The following CYP20A1 variants were observed in gnomAD, a reference collection of about 807,000 sequenced individuals.
CYP20A1 encodes the protein cytochrome P450 20A1.
CYP20A1 carries 61 observed loss-of-function variants against 61.4 expected under a neutral mutation model. The observed-to-expected ratio is 0.99, with a 90% confidence interval of 0.81 to 1.23. The LOEUF (loss-of-function observed/expected upper bound fraction) is 1.23, where lower values mean the gene tolerates loss of function less well. Among genes scored for constraint, CYP20A1 ranks in the 50% most tolerant of loss-of-function variants. The pLI is 0.00. For synonymous variants in CYP20A1, 193 were observed against 188.2 expected, an observed-to-expected ratio of 1.03 and a Z score of -0.21; for missense variants, 530 against 542.4, an observed-to-expected ratio of 0.98 and a Z score of 0.23.
intron 9 of CYP20A1, among the ~76,000 whole-genome samples, chr2:203,287,234 A>G (rs1397189462): frequency 1.3e-5 from 2 of 151,144 alleles, no homozygotes; most frequent in African/African-American, 4.8e-5. Context: ...AAAAAAAAAA[A>G]AAAAAGAAAA....
intron 11 of CYP20A1, among the ~76,000 whole-genome samples, chr2:203,293,298 C>T (rs2068624788): frequency 7.2e-6 from 1 of 139,620 alleles, no homozygotes. Context: ...TCACTGCAAG[C>T]TCCGCCTCCC....
At chr2:203,294,590 C>T (rs907636996) in intron 11 of CYP20A1, among the ~76,000 whole-genome samples, 3 of 152,032 alleles carry the variant, frequency 2.0e-5, no homozygotes, top group Admixed American at 2.0e-4. Flanking sequence ...TTTTCATTCG[C>T]TTTAATCCAG....
intron 1 of CYP20A1, among the ~76,000 whole-genome samples, chr2:203,240,528 T>G (rs1276155432): frequency 6.6e-6 from 1 of 152,128 alleles, no homozygotes; most frequent in Non-Finnish European, 1.5e-5. Context: ...GGATTGTGGG[T>G]AGAAATAAAG....
At chr2:203,262,967 T>A (rs1319062877) in intron 4 of CYP20A1, among the ~76,000 whole-genome samples, 1 of 151,472 alleles carries the variant, frequency 6.6e-6, no homozygotes, top group African/African-American at 2.4e-5. Context: ...CGTGAGCCAC[T>A]GTGCCCGGCA....
rs2152120130 is a variant in CYP20A1, at chr2:203,303,071, G to A, written c.*6163G>A. Among the ~76,000 whole-genome samples the A allele has an allele frequency of 6.6e-6, 1 of 151,966 alleles. No homozygotes were observed. Among genetic ancestry groups the A allele is most frequent in the South Asian group, 2.1e-4 (1 of 4,806 alleles). On this transcript the variant is annotated 3_prime_UTR_variant, in exon 13 of 13. Coordinates refer to ENST00000356079, the MANE Select transcript of CYP20A1 (RefSeq NM_177538.3). ...GCTGGAGTGTGGTGGCACGATCTTG[G>A]CTCACTGCAACCCCTGCCTCCCAGG...
chr2:203,246,761 T>C lies in CYP20A1; in HGVS notation c.129T>C (p.Gly43=). The C allele has an allele frequency of 6.2e-7, 1 of 1,609,140 alleles. No homozygotes were observed. Among genetic ancestry groups the C allele is most frequent in the Non-Finnish European group, 8.5e-7 (1 of 1,178,868 alleles). ...PGITPTEEKD[G]NLPDIVNSGS... ...AATGTTGCTCTTTTGCCAGAGATGG[T>C]AATCTTCCAGATATTGTGAATAGTG... Residue 43 remains glycine (G), a synonymous_variant, in exon 3 of 13, where the codon GGT becomes GGC. Transcript: ENST00000356079.
chr2:203,245,560 T>C (rs2105897080), intron 1 of CYP20A1, among the ~76,000 whole-genome samples: 1 of 152,212 alleles, frequency 6.6e-6, no homozygotes, highest in South Asian at 2.1e-4. Context: ...GTTCTCTTCA[T>C]TTAGCCCCCA....
rs185145262 is a variant in CYP20A1, at chr2:203,285,122, G to A, written c.851-490G>A. On this transcript the variant is annotated intron_variant, in intron 8 of 12. Coordinates refer to ENST00000356079, the MANE Select transcript of CYP20A1 (RefSeq NM_177538.3). ...ATAACCACTCACAAATTTTGAGCCA[G>A]TGTATTTACCATCACAAGTAAATAT... Among the ~76,000 whole-genome samples the A allele has an allele frequency of 2.5e-4, 38 of 152,188 alleles. 1 individual carries two copies. The highest frequency in any genetic ancestry group is 2.0e-3 in the Admixed American group (31 of 15,264).
Position 203,299,974 on chromosome 2 carries a change from C to T in CYP20A1, c.*3066C>T, listed in dbSNP as rs2152118368. On this transcript the variant is annotated 3_prime_UTR_variant, in exon 13 of 13. Transcript: ENST00000356079. ...TGTATAGAGCATCTTCCTTTGTTAC[C>T]CAAGTACCTCGAATGGGTTGGAAAC... Among the ~76,000 whole-genome samples the T allele has an allele frequency of 6.6e-6, 1 of 152,230 alleles. No individual in the cohort carries two copies. The highest frequency in any genetic ancestry group is 6.5e-5 in the Admixed American group (1 of 15,276).
chr2:203,262,456 T>C (rs2067171971), intron 4 of CYP20A1, among the ~76,000 whole-genome samples: 1 of 152,182 alleles, frequency 6.6e-6, no homozygotes, highest in Non-Finnish European at 1.5e-5. Context: ...TAAATTTTTT[T>C]ACATGAACCA....
At chr2:203,268,984 T>A (rs139312029) in intron 5 of CYP20A1, among the ~76,000 whole-genome samples, 1 of 152,346 alleles carries the variant, frequency 6.6e-6, no homozygotes, top group Non-Finnish European at 1.5e-5. Flanking sequence ...TGCATACTGA[T>A]TTCACAGGTG....
rs1424282822 is a variant in CYP20A1 at position 203,240,968 on chromosome 2, T to C, written c.72+1834T>C. ...TCATGAATTGACATGGGTCTCCAGG[T>C]AAGGATGGAAGCAAGCCAAGTAATT... is the stretch of plus-strand genomic sequence containing the variant. On this transcript the variant is annotated intron_variant, in intron 1 of 12. Coordinates refer to ENST00000356079, the MANE Select transcript of CYP20A1 (RefSeq NM_177538.3). Among the ~76,000 whole-genome samples the C allele has an allele frequency of 2.0e-5, 3 of 152,188 alleles. No homozygotes were observed. The East Asian group carries it at 5.8e-4, about 29-fold the overall frequency.
chr2:203,298,750 G>C lies in CYP20A1; in HGVS notation c.*1842G>C, dbSNP rs1045153513. On this transcript the variant is annotated 3_prime_UTR_variant, in exon 13 of 13. Transcript: ENST00000356079. ...GAGAGCTATTTCAAGAATATTTTAA[G>C]TAGGCTGGGCACGGTAGCTCATGCC... 1.5e-4 allele frequency among the ~76,000 whole-genome samples: 22 copies of C among 150,062 alleles called. No homozygotes were observed. Among genetic ancestry groups the C allele is most frequent in the African/African-American group, 5.1e-4 (21 of 40,866 alleles).
chr2:203,247,377 T>C (rs1014054543), intron 3 of CYP20A1, among the ~76,000 whole-genome samples: 2 of 152,226 alleles, frequency 1.3e-5, no homozygotes, highest in Admixed American at 1.3e-4. Flanking sequence ...ACTGTGCTGA[T>C]GTCTTATTGC....
At position 203,252,157 on chromosome 2, in the gene CYP20A1, G is replaced by C. The variant is rs372057846; in HGVS notation, c.432+48G>C. 9.0e-5 allele frequency: 127 copies of C among 1,418,948 alleles called. No individual in the cohort carries two copies. In the African/African-American group the frequency reaches 1.6e-3, roughly 18 times the overall value. The allele number at this position is 1,418,948 out of a possible 1,614,324, so 87.9% of individuals were successfully genotyped here. A position where few individuals can be genotyped will look rare whatever the true frequency, so the allele number is the denominator to read the frequency against. The stretch of plus-strand genomic sequence containing the variant: ...CTAGTGTTCTACAACATAAATAATA[G>C]TATTTATTTTTTGAGTATTGGTGTG... On this transcript the variant is annotated intron_variant, in intron 4 of 12. Coordinates refer to ENST00000356079, the MANE Select transcript of CYP20A1 (RefSeq NM_177538.3).
rs184800533 is a variant in CYP20A1, at chr2:203,267,060, G to A, written c.600+379G>A. Among the ~76,000 whole-genome samples, 49 of 151,158 alleles carry A rather than the reference G, an allele frequency of 3.2e-4. 2 individuals carry two copies. In the East Asian group the frequency reaches 8.2e-3, roughly 25 times the overall value. On this transcript the variant is annotated intron_variant, in intron 5 of 12. Coordinates refer to ENST00000356079, the MANE Select transcript of CYP20A1 (RefSeq NM_177538.3). ...CTATTGTCCCAGCTACTGAGGCTGA[G>A]GCAGGAGGGATTGATTACTTGAACC...
At chr2:203,250,196 C>G (rs1268322984) in intron 3 of CYP20A1, among the ~76,000 whole-genome samples, 2 of 152,082 alleles carry the variant, frequency 1.3e-5, no homozygotes, top group Non-Finnish European at 2.9e-5. Flanking sequence ...TTTGAAGCAA[C>G]CTAAATATCA....
chr2:203,282,035 CTTTTT>C (rs113768629), intron 8 of CYP20A1, among the ~76,000 whole-genome samples: 1 of 116,414 alleles, frequency 8.6e-6, no homozygotes, highest in African/African-American at 3.1e-5. Flanking sequence ...TGTATTCAAC[CTTTTT>C]TTTTTTTTTT....
At chr2:203,240,244 G>A (rs2066208463) in intron 1 of CYP20A1, among the ~76,000 whole-genome samples, 1 of 152,206 alleles carries the variant, frequency 6.6e-6, no homozygotes, top group South Asian at 2.1e-4. Flanking sequence ...GATTAGACTA[G>A]AATCTTGCAA....
Sources: gnomAD v4.1 joint callset for allele counts (sites outside exome capture counted in the v4.1 genomes callset) on GRCh38, gnomAD v4.1.1 for gene constraint, MANE v1.5 for transcripts, NCBI Gene and HGNC (gene_info 2026-07-23, HGNC 2026-07-21) for gene names.